THBS2: variants seen among roughly 807,000 people sequenced by gnomAD.
The protein encoded by THBS2 is thrombospondin 2, also known as thrombospondin-2.
Under a neutral mutation model 135.2 loss-of-function variants are expected in THBS2, and 47 were observed. The observed-to-expected ratio is 0.35, with a 90% confidence interval of 0.28 to 0.44. THBS2 has a LOEUF of 0.44. Among genes scored for constraint, THBS2 ranks in the 20% least tolerant of loss-of-function variants. The probability of loss-of-function intolerance (pLI) is 1.00; values close to 1 mark genes in which losing one functional copy is unlikely to be tolerated. For synonymous variants in THBS2, 639 were observed against 633.8 expected (o/e 1.01, Z -0.12); for missense variants, 1,288 against 1,603.1 (o/e 0.80, Z 3.36).
At chr6:169,245,290 C>T (rs554152974) in intron 4 of THBS2, among the ~76,000 whole-genome samples, 11 of 152,164 alleles carry the variant, frequency 7.2e-5, no homozygotes, top group Non-Finnish European at 1.6e-4. Flanking sequence ...GCCCATCTCA[C>T]GTAGTCATTC....
At position 169,250,797 on chromosome 6, in the gene THBS2, A is replaced by G. The variant is rs1349316861; in HGVS notation, c.-13T>C. On this transcript the variant is annotated 5_prime_UTR_variant, in exon 2 of 22. Transcript: ENST00000617924. The stretch of plus-strand genomic sequence containing the variant: ...GCCTCCAGACCATCCTGCCTCCTGC[A>G]GCTGAGCTCCTGGGAATACAGGAAA... The G allele has an allele frequency of 1.5e-5, 24 of 1,612,672 alleles. No individual in the cohort carries two copies. The highest frequency in any genetic ancestry group is 1.9e-5 in the Non-Finnish European group (22 of 1,179,386).
rs867528872 is a variant in THBS2 at position 169,248,460 on chromosome 6, C to T, written c.566G>A (p.Arg189Gln). ...FYEHLQAEKS[R>Q]MYVAKGSARE... ...GGCAGAGCCTTTGGCCACGTACATC[C>T]GGCTCTTTTCCGCCTGCAGGTGCTC... Residue 189 changes from arginine to glutamine, a missense_variant, in exon 3 of 22, where the codon CGG becomes CAG. Arg to Gln is a conservative substitution (Grantham distance 43, BLOSUM62 1). This residue lies in a region of THBS2 where 414 missense variants were observed against 447.0 expected (regional missense o/e 0.93). Coordinates refer to ENST00000617924, the MANE Select transcript of THBS2 (RefSeq NM_003247.5). 3.1e-6 allele frequency: 5 copies of T among 1,612,344 alleles called. No homozygotes were observed. The highest frequency in any genetic ancestry group is 2.2e-5 in the East Asian group (1 of 44,854).
intron 4 of THBS2, 123 bp from the exon 5 acceptor site, chr6:169,242,081 G>A: frequency 9.0e-7 from 1 of 1,108,868 alleles, no homozygotes; most frequent in Non-Finnish European, 1.3e-6. Flanking sequence ...GAGACACAAG[G>A]CGGAGGACTG....
intron 7 of THBS2, among the ~76,000 whole-genome samples, chr6:169,238,853 G>A (rs1185110682): frequency 1.3e-5 from 2 of 152,190 alleles, no homozygotes; most frequent in African/African-American, 4.8e-5. Flanking sequence ...GTTTAGTTTG[G>A]GAGAAGCGTT....
At position 169,232,985 on chromosome 6, in the gene THBS2, C is replaced by T. The variant is rs375814540; in HGVS notation, c.1684G>A (p.Ala562Thr). ...GCLSNPCFPG[A>T]QCSSFPDGSW... ...CCATCGGGGAAGCTGCTGCACTGGG[C>T]TCCCGGGAAGCAGGGGTTGGATAAA... is the stretch of plus-strand genomic sequence containing the variant. Residue 562 changes from alanine to threonine, a missense_variant, in exon 11 of 22, where the codon GCC becomes ACC. Coordinates refer to ENST00000617924, the MANE Select transcript of THBS2 (RefSeq NM_003247.5). 1.3e-5 allele frequency: 20 copies of T among 1,549,798 alleles called. No individual in the cohort carries two copies. Among genetic ancestry groups the T allele is most frequent in the East Asian group, 1.2e-4 (5 of 41,796 alleles).
rs1180191982 is a variant in THBS2, at chr6:169,216,896, A to G, written c.*926T>C. ...AATCAGGTAAAAGCAACTTGTCCGCAGTTACCAAAGCCTAGATACGCGTTA... is the reference window on the plus strand; with the variant it reads ...AATCAGGTAAAAGCAACTTGTCCGCGGTTACCAAAGCCTAGATACGCGTTA... On this transcript the variant is annotated 3_prime_UTR_variant, in exon 22 of 22. Coordinates refer to ENST00000617924, the MANE Select transcript of THBS2 (RefSeq NM_003247.5). The G allele has an allele frequency of 6.6e-6, 1 of 152,258 alleles. No individual in the cohort carries two copies. Among genetic ancestry groups the G allele is most frequent in the African/African-American group, 2.4e-5 (1 of 41,476 alleles). 9.4% of individuals were successfully genotyped at this position (152,258 alleles called of 1,614,324 possible).
chr6:169,243,389 T>C (rs1231508298), intron 4 of THBS2, among the ~76,000 whole-genome samples: 3 of 152,212 alleles, frequency 2.0e-5, no homozygotes, highest in Non-Finnish European at 2.9e-5. Flanking sequence ...GGAGCTCACC[T>C]CACCCCCATG....
chr6:169,239,451 TGG>T, intron 7 of THBS2, 146 bp downstream of exon 7: 1 of 681,792 alleles, frequency 1.5e-6, no homozygotes, highest in Non-Finnish European at 2.5e-6. Context: ...GGATGACCAG[TGG>T]CCTGGGGTGG....
At chr6:169,229,342 A>G (rs911239847) in intron 14 of THBS2, among the ~76,000 whole-genome samples, 2 of 152,198 alleles carry the variant, frequency 1.3e-5, no homozygotes, top group African/African-American at 4.8e-5. Context: ...AAATAGAAAA[A>G]ATTATTCAAA....
At chr6:169,251,507 C>A (rs1024354007) in intron 1 of THBS2, among the ~76,000 whole-genome samples, 2 of 152,118 alleles carry the variant, frequency 1.3e-5, no homozygotes, top group African/African-American at 4.8e-5. Context: ...GGTCCAAAGC[C>A]CGGCTGGGCG....
intron 9 of THBS2, among the ~76,000 whole-genome samples, chr6:169,235,683 C>T (rs1278966871): frequency 6.6e-6 from 1 of 151,570 alleles, no homozygotes; most frequent in African/African-American, 2.4e-5. Flanking sequence ...CCCGTCCACA[C>T]TCACTGCCCA....
At chr6:169,232,345 A>T in intron 12 of THBS2, 147 bp from the exon 13 acceptor site, 1 of 911,814 alleles carries the variant, frequency 1.1e-6, no homozygotes. Context: ...CTGGACACGC[A>T]CTTGAGGTGC....
At position 169,246,230 on chromosome 6, in the gene THBS2, G is replaced by A. The variant is rs770884159; in HGVS notation, c.661C>T (p.Leu221=). 1 of 1,613,880 alleles carries A rather than the reference G, an allele frequency of 6.2e-7. No homozygotes were observed. Among genetic ancestry groups the A allele is most frequent in the Admixed American group, 1.7e-5 (1 of 60,006 alleles). ...CCTTGCTGGCAACCCTTCTTGCTTA[G>A]AATATCTTCCACAGAGTTTTCAAAC... ...LVFENSVEDI[L]SKKGCQQGQG... The change falls in exon 4 of 22, where the codon CTA becomes TTA. Residue 221 remains leucine, a synonymous_variant. Coordinates refer to ENST00000617924, the MANE Select transcript of THBS2 (RefSeq NM_003247.5).
intron 9 of THBS2, 126 bp from the exon 10 acceptor site, chr6:169,235,033 TC>T: frequency 2.0e-6 from 2 of 976,124 alleles, no homozygotes; most frequent in Non-Finnish European, 2.9e-6. Context: ...AACTGGTTTC[TC>T]CCCAGGTTGG....
At chr6:169,221,589 T>A (rs1779433115) in intron 19 of THBS2, 62 bp from the exon 20 acceptor site, 1 of 1,476,132 alleles carries the variant, frequency 6.8e-7, no homozygotes, top group Non-Finnish European at 9.5e-7. Context: ...CACAGCTCTG[T>A]AACACCAAGC....
intron 4 of THBS2, among the ~76,000 whole-genome samples, chr6:169,243,154 C>G (rs1177676724): frequency 6.7e-6 from 1 of 149,334 alleles, no homozygotes; most frequent in Non-Finnish European, 1.5e-5. Flanking sequence ...ACCTTCCCAC[C>G]TTCCCACATT....
In THBS2 at chr6:169,252,821, A is replaced by C. The variant is rs1255154093; in HGVS notation, c.-23+903T>G. On this transcript the variant is annotated intron_variant, in intron 1 of 21. Coordinates refer to ENST00000617924, the MANE Select transcript of THBS2 (RefSeq NM_003247.5). The surrounding 1 kb of genome is among the most constrained non-coding windows in gnomAD (Gnocchi z 4.3). ...AAAGATTTCGGTGCCTGTCTGCAGC[A>C]GAATGTAGTTTGAATTTGCAAAGGT... is the stretch of plus-strand genomic sequence containing the variant. Among the ~76,000 whole-genome samples, 1 of 152,256 alleles carries C rather than the reference A, an allele frequency of 6.6e-6. No homozygotes were observed. The highest frequency in any genetic ancestry group is 1.5e-5 in the Non-Finnish European group (1 of 68,046).
At chr6:169,243,118 T>TTCCCACCACTCCCACCTTCCC (rs1562363508) in intron 4 of THBS2, among the ~76,000 whole-genome samples, 1 of 11,340 alleles carries the variant, frequency 8.8e-5, no homozygotes, top group African/African-American at 3.7e-4. Flanking sequence ...CCACCACTCC[T>TTCCCACCACTCCCACCTTCCC]ACCTTCCCAC....
chr6:169,248,559 A>C lies in THBS2; in HGVS notation c.467T>G (p.Val156Gly). ...GTGCAAGCTGTAGGTCTCGCCAGCC[A>C]CCTGCACGGTGACGTTCTTCCACTG... ...DSQWKNVTVQ[V>G]AGETYSLHVG... The change falls in exon 3 of 22, where the codon GTG (valine) becomes GGG (glycine). Residue 156 changes from valine (V) to glycine (G), a missense_variant. Val to Gly is a moderately radical substitution (Grantham distance 109). Transcript: ENST00000617924. 6.2e-7 allele frequency: 1 copy of C among 1,613,964 alleles called. No individual in the cohort carries two copies. The highest frequency in any genetic ancestry group is 8.5e-7 in the Non-Finnish European group (1 of 1,180,034).
Sources: gnomAD v4.1 joint callset for allele counts (sites outside exome capture counted in the v4.1 genomes callset) on GRCh38, gnomAD v4.1.1 for gene constraint, gnomAD v4.1.1 regional missense constraint, Gnocchi (gnomAD v3.1) non-coding constraint, MANE v1.5 for transcripts, NCBI Gene and HGNC (gene_info 2026-07-23, HGNC 2026-07-21) for gene names.